The following CRB1 variants were observed in gnomAD, a reference collection of about 807,000 sequenced individuals.
The protein encoded by CRB1 is crumbs cell polarity complex component 1.
A neutral mutation model predicts 120.0 loss-of-function variants in CRB1; 83 were observed. The ratio of observed to expected loss-of-function variants is 0.69; its 90% CI spans 0.58 to 0.83. The LOEUF is 0.83. Ranked by LOEUF, CRB1 falls within the 40% of genes least tolerant of loss-of-function variation. CRB1 has a pLI of 0.00. For synonymous variants in CRB1, 625 were observed against 612.5 expected (o/e 1.02, Z -0.30); for missense variants, 1,699 against 1,687.6 (o/e 1.01, Z -0.12).
chr1:197,474,499 A>G (rs1329494862), intron 11 of CRB1, among the ~76,000 whole-genome samples: 1 of 152,180 alleles, frequency 6.6e-6, no homozygotes, highest in Admixed American at 6.6e-5. Flanking sequence ...AGGAGTCCCA[A>G]AATATGTGAA....
intron 1 of CRB1, among the ~76,000 whole-genome samples, chr1:197,275,805 C>T (rs941699118): frequency 1.3e-5 from 2 of 151,966 alleles, no homozygotes; most frequent in Admixed American, 1.3e-4. Context: ...CAAAAGATTA[C>T]TTTCCTTTAT....
At chr1:197,206,908 T>C in the CRB1 span, among the ~76,000 whole-genome samples, 2 of 152,234 alleles carry the variant, frequency 1.3e-5, no homozygotes, top group African/African-American at 4.8e-5. Flanking sequence ...TTTGTAAATG[T>C]AGAAGCTCCA....
At chr1:197,313,143 T>C (rs1034305521) in intron 1 of CRB1, among the ~76,000 whole-genome samples, 1 of 152,172 alleles carries the variant, frequency 6.6e-6, no homozygotes, top group Non-Finnish European at 1.5e-5. Context: ...GGAAAGAGAA[T>C]GTGTGGTGGA....
At chr1:197,386,089 G>T (rs538469108) in intron 5 of CRB1, among the ~76,000 whole-genome samples, 36 of 152,044 alleles carry the variant, frequency 2.4e-4, no homozygotes, top group African/African-American at 7.7e-4. Context: ...ATTTATTCCT[G>T]TACAAATTCC....
In CRB1 at chr1:197,354,369, G is replaced by A. The variant is rs576112282; in HGVS notation, c.989-2462G>A. Among the ~76,000 whole-genome samples, 8 of 152,326 alleles carry A rather than the reference G, an allele frequency of 5.3e-5. No individual in the cohort carries two copies. In the East Asian group the frequency reaches 1.2e-3, roughly 22 times the overall value. On this transcript the variant is annotated intron_variant, in intron 4 of 11. Transcript: ENST00000367400. ...TCCGAAATTGGTGGGTTGTTGGTCT[G>A]ATTGACTCTTCAAGAATGAAGCCAC...
In CRB1 at chr1:197,421,425, G is replaced by T. The variant is rs1321368095; in HGVS notation, c.1597G>T (p.Val533Leu). ...TTTCCGAAGCAACAGGGATGTGTTT[G>T]TGAAGCTGGAGCTGCTAAGTGGCTA... ...LLFRSNRDVF[V>L]KLELLSGYIH... Residue 533 changes from valine (V) to leucine (L), a missense_variant, in exon 6 of 12, where the codon GTG becomes TTG. By Grantham distance (32) the Val-to-Leu change is conservative. Coordinates refer to ENST00000367400, the MANE Select transcript of CRB1 (RefSeq NM_201253.3). The T allele has an allele frequency of 1.2e-6, 2 of 1,614,088 alleles. No homozygotes were observed. Among genetic ancestry groups the T allele is most frequent in the Non-Finnish European group, 8.5e-7 (1 of 1,180,058 alleles).
intron 10 of CRB1, chr1:197,439,042 T>C (rs1478611831): frequency 7.1e-6 from 2 of 280,760 alleles, no homozygotes; most frequent in Non-Finnish European, 1.4e-5. Flanking sequence ...GATTGCCTCA[T>C]AGAATTGCCT....
chr1:197,230,830 T>C, the CRB1 span, among the ~76,000 whole-genome samples: 6 of 152,348 alleles, frequency 3.9e-5, no homozygotes, highest in East Asian at 9.6e-4. Flanking sequence ...TCAGGAGTTC[T>C]AGGCTAAATC....
At chr1:197,444,654 T>G (rs1296879079) in intron 11 of CRB1, 1 of 152,236 alleles carries the variant, frequency 6.6e-6, no homozygotes, top group Non-Finnish European at 1.5e-5. Flanking sequence ...CTGTTGTCAC[T>G]GTAATTGTCA....
chr1:197,474,217 C>A (rs1189661685), intron 11 of CRB1, among the ~76,000 whole-genome samples: 1 of 152,132 alleles, frequency 6.6e-6, no homozygotes, highest in African/African-American at 2.4e-5. Flanking sequence ...TATTTGGTCC[C>A]ATCCTTTGAA....
chr1:197,454,851 C>T (rs930935947), intron 11 of CRB1, among the ~76,000 whole-genome samples: 1 of 152,070 alleles, frequency 6.6e-6, no homozygotes. Flanking sequence ...TTATCAAAGG[C>T]CTTTTTCAGG....
rs1020713404 is a variant in CRB1, at chr1:197,463,935, G to T, written c.4006-13729G>T. ...ATTAATCTATTTACTCTGGGTTCCT[G>T]AAACTAGTAAAAGAACCCTAACAAA... On this transcript the variant is annotated intron_variant, in intron 11 of 11. Transcript: ENST00000367400. Among the ~76,000 whole-genome samples the T allele has an allele frequency of 3.3e-5, 5 of 152,162 alleles. No homozygotes were observed. The East Asian group carries it at 9.6e-4, about 29-fold the overall frequency.
chr1:197,345,117 T>A (rs934626905), intron 3 of CRB1, among the ~76,000 whole-genome samples: 7 of 152,354 alleles, frequency 4.6e-5, no homozygotes, highest in Non-Finnish European at 7.3e-5. Flanking sequence ...AAAACATTTT[T>A]AAAAGAACTT....
chr1:197,346,660 C>A (rs1043269050), intron 3 of CRB1, among the ~76,000 whole-genome samples: 1 of 152,122 alleles, frequency 6.6e-6, no homozygotes, highest in Admixed American at 6.5e-5. Flanking sequence ...CTTGAGGAGA[C>A]CCCGACCTAA....
chr1:197,365,049 G>T (rs556283857), intron 5 of CRB1, among the ~76,000 whole-genome samples: 1 of 152,288 alleles, frequency 6.6e-6, no homozygotes, highest in Admixed American at 6.5e-5. Context: ...TTTAAGAACA[G>T]GTCCTGGCCT....
chr1:197,357,286 T>C, intron 5 of CRB1: 1 of 499,676 alleles, frequency 2.0e-6, no homozygotes, highest in Non-Finnish European at 3.6e-6. Context: ...CTCAAGTTCT[T>C]TACGTTACAC....
At chr1:197,202,979 G>C in the CRB1 span, among the ~76,000 whole-genome samples, 1 of 147,836 alleles carries the variant, frequency 6.8e-6, no homozygotes, top group Admixed American at 6.7e-5. Flanking sequence ...GTGTGTGTGT[G>C]TGTCTGTGTG....
rs1665116897 is a variant in CRB1 at position 197,435,568 on chromosome 1, C to T, written c.3705C>T (p.Gly1235=). 1.9e-6 allele frequency: 3 copies of T among 1,613,196 alleles called. No homozygotes were observed. Among genetic ancestry groups the T allele is most frequent in the Non-Finnish European group, 2.5e-6 (3 of 1,179,568 alleles). The stretch of plus-strand genomic sequence containing the variant: ...CCACCTGCATTAGTCATACTAATGG[C>T]TATTCTTGCCTCTGTTTTGGAAATT... The part of the protein sequence containing the change: ...NGATCISHTN[G]YSCLCFGNFT... Residue 1235 remains glycine (G), a synonymous_variant, in exon 9 of 12, where the codon GGC becomes GGT. Coordinates refer to ENST00000367400, the MANE Select transcript of CRB1 (RefSeq NM_201253.3).
At chr1:197,443,940 G>A (rs574983522) in intron 11 of CRB1, 9 of 152,080 alleles carry the variant, frequency 5.9e-5, no homozygotes, top group Non-Finnish European at 1.0e-4. Context: ...TTGATCCTAT[G>A]AATTAATTCA....
Sources: gnomAD v4.1 joint callset for allele counts (sites outside exome capture counted in the v4.1 genomes callset) on GRCh38, gnomAD v4.1.1 for gene constraint, MANE v1.5 for transcripts, NCBI Gene and HGNC (gene_info 2026-07-23, HGNC 2026-07-21) for gene names.